The following USP30 variants were observed in gnomAD, a reference collection of about 807,000 sequenced individuals.
The protein encoded by USP30 is ubiquitin carboxyl-terminal hydrolase 30.
USP30 carries 41 observed loss-of-function variants against 68.2 expected under a neutral mutation model. The observed-to-expected ratio is 0.60, with a 90% CI of 0.47 to 0.78. The LOEUF is 0.78. Ranked by LOEUF, USP30 falls within the 30% of genes least tolerant of loss-of-function variation. The pLI, the probability that USP30 is intolerant of heterozygous loss-of-function variation, is 0.00. For missense variants in USP30, 522 were observed against 649.4 expected, an observed-to-expected ratio of 0.80 and a Z score of 2.13; for synonymous variants, 229 against 253.7, an observed-to-expected ratio of 0.90 and a Z score of 0.93.
At chr12:109,036,152 C>A (rs1388278256) in intron 3 of USP30, among the ~76,000 whole-genome samples, 1 of 152,050 alleles carries the variant, frequency 6.6e-6, no homozygotes, top group Non-Finnish European at 1.5e-5. Flanking sequence ...AGAGTGAGAT[C>A]CTGTCTCAAA....
chr12:109,044,693 C>T (rs542042501), intron 3 of USP30, among the ~76,000 whole-genome samples: 1 of 151,946 alleles, frequency 6.6e-6, no homozygotes, highest in East Asian at 1.9e-4. Context: ...GTTATATGTA[C>T]TTTGCCACAA....
chr12:109,060,583 C>T (rs1448398194), intron 3 of USP30, among the ~76,000 whole-genome samples: 1 of 152,096 alleles, frequency 6.6e-6, no homozygotes, highest in African/African-American at 2.4e-5. Flanking sequence ...TCTAATTTTA[C>T]GTAAACATGC....
chr12:109,077,927 C>A (rs1174072416), intron 7 of USP30, among the ~76,000 whole-genome samples: 1 of 151,976 alleles, frequency 6.6e-6, no homozygotes, highest in Non-Finnish European at 1.5e-5. Flanking sequence ...TGGAATATTA[C>A]AAAAGTATAG....
In USP30 at chr12:109,084,958, A is replaced by T; in HGVS notation, c.1174A>T (p.Asn392Tyr). The change falls in exon 12 of 13, where the codon AAT becomes TAT. Residue 392 changes from asparagine (N) to tyrosine (Y), a missense_variant. Transcript: ENST00000257548. ...DGPGAPTPVL[N>Y]QPGAPKTQIF... ...CGGGCCTTTTTCTCTTGCAGTTCTGAATCAGCCAGGGGCCCCCAAAACACA... is the reference window on the plus strand; with the variant it reads ...CGGGCCTTTTTCTCTTGCAGTTCTGTATCAGCCAGGGGCCCCCAAAACACA... 6.3e-7 allele frequency: 1 copy of T among 1,593,024 alleles called. No individual in the cohort carries two copies.
intron 1 of USP30, among the ~76,000 whole-genome samples, chr12:109,023,319 G>A (rs998043327): frequency 6.6e-6 from 1 of 152,254 alleles, no homozygotes. Flanking sequence ...CTGGGAGGCC[G>A]AGGCGGATGG....
intron 1 of USP30, among the ~76,000 whole-genome samples, chr12:109,056,209 A>G (rs1447493936): frequency 6.6e-6 from 1 of 152,012 alleles, no homozygotes; most frequent in Admixed American, 6.6e-5. Flanking sequence ...GTTGTTTTTT[A>G]TGAGACTGAG....
chr12:109,044,085 A>T (rs1480507826), intron 3 of USP30, among the ~76,000 whole-genome samples: 1 of 152,246 alleles, frequency 6.6e-6, no homozygotes, highest in Non-Finnish European at 1.5e-5. Context: ...CCTTGAGGAC[A>T]TTATGCTAAG....
chr12:109,029,999 T>A (rs2040469681), intron 3 of USP30, among the ~76,000 whole-genome samples: 1 of 152,248 alleles, frequency 6.6e-6, no homozygotes, highest in Non-Finnish European at 1.5e-5. Flanking sequence ...GCAAATAGTT[T>A]ATTTCCAGTA....
chr12:109,067,122 T>G (rs2041279803), intron 3 of USP30, among the ~76,000 whole-genome samples: 2 of 144,450 alleles, frequency 1.4e-5, no homozygotes, highest in Admixed American at 1.4e-4. Flanking sequence ...TTTTTTTTTT[T>G]TTTTTTTTTG....
In USP30 at chr12:109,060,399, G is replaced by A. The variant is rs569305904; in HGVS notation, c.376+2291G>A. ...GATTTAAAAAACATTCAGCTAAATC[G>A]TGCTTCACTGAGGTATTTTCCCATG... On this transcript the variant is annotated intron_variant, in intron 3 of 12. Transcript: ENST00000257548. 7.4e-4 allele frequency among the ~76,000 whole-genome samples: 112 copies of A among 152,274 alleles called. 1 individual carries two copies. Among genetic ancestry groups the A allele is most frequent in the African/African-American group, 2.3e-3 (95 of 41,560 alleles).
chr12:109,047,383 A>C (rs1593227483), intron 3 of USP30, among the ~76,000 whole-genome samples: 2 of 152,118 alleles, frequency 1.3e-5, no homozygotes, highest in Non-Finnish European at 2.9e-5. Flanking sequence ...AGCTACAACA[A>C]ACAGTTCTGA....
intron 3 of USP30, among the ~76,000 whole-genome samples, chr12:109,062,213 G>A (rs1379970353): frequency 1.3e-5 from 2 of 152,090 alleles, no homozygotes; most frequent in South Asian, 2.1e-4. Flanking sequence ...GGGATTACAG[G>A]CATGAACCAC....
At chr12:109,068,583 A>G (rs2041333906) in intron 4 of USP30, among the ~76,000 whole-genome samples, 1 of 152,226 alleles carries the variant, frequency 6.6e-6, no homozygotes, top group African/African-American at 2.4e-5. Context: ...AAATACTTTT[A>G]AAATCCTCCT....
rs571296985 is a variant in USP30, at chr12:109,071,269, TTATGA to T, written c.481-338_481-334del. Reference sequence around the variant, plus strand: ...ATCATTCATGTTAAGATGATAAATGTTATGATATGTGTATTTTACCACAATTAACA... The same window carrying T: ...ATCATTCATGTTAAGATGATAAATGTTATGTGTATTTTACCACAATTAACA... On this transcript the variant is annotated intron_variant, in intron 4 of 12. Transcript: ENST00000257548. Among the ~76,000 whole-genome samples the T allele has an allele frequency of 4.6e-4, 70 of 152,366 alleles. No individual in the cohort carries two copies. In the South Asian group the frequency reaches 0.013, roughly 29 times the overall value.
chr12:109,023,628 CTTTTTTTT>C (rs1179349331), intron 1 of USP30, among the ~76,000 whole-genome samples: 5 of 72,674 alleles, frequency 6.9e-5, no homozygotes, highest in South Asian at 6.6e-4. Flanking sequence ...TTAATCAGGA[CTTTTTTTT>C]TTTTTTTTTT....
intron 3 of USP30, among the ~76,000 whole-genome samples, chr12:109,066,309 T>G (rs1214702100): frequency 6.7e-6 from 1 of 149,680 alleles, no homozygotes; most frequent in Non-Finnish European, 1.5e-5. Context: ...ACAGAAAAAG[T>G]GCCAATCCTT....
In USP30 at chr12:109,083,074, C is replaced by A. The variant is rs201519201; in HGVS notation, c.1168+12C>A. The A allele has an allele frequency of 5.7e-6, 9 of 1,576,072 alleles. No individual in the cohort carries two copies. The East Asian group carries it at 2.0e-4, about 35-fold the overall frequency. On this transcript the variant is annotated intron_variant, in intron 11 of 12. Transcript: ENST00000257548. ...AGCCCCCACACCAGGTGTGTGCGCG[C>A]GAGGAGCCGATGCAGCAGGAATTTT...
chr12:109,076,852 C>T (rs1445528783), intron 7 of USP30, among the ~76,000 whole-genome samples: 4 of 151,794 alleles, frequency 2.6e-5, no homozygotes, highest in Admixed American at 1.3e-4. Flanking sequence ...CTGCCTCAGC[C>T]TCCCGAGTAG....
chr12:109,054,733 G>C (rs1204019407), intron 1 of USP30: 2 of 152,162 alleles, frequency 1.3e-5, no homozygotes, highest in African/African-American at 4.8e-5. Flanking sequence ...AGGAAACTGA[G>C]GCTTAGAAGG....
Sources: gnomAD v4.1 joint callset for allele counts (sites outside exome capture counted in the v4.1 genomes callset) on GRCh38, gnomAD v4.1.1 for gene constraint, MANE v1.5 for transcripts, NCBI Gene and HGNC (gene_info 2026-07-23, HGNC 2026-07-21) for gene names.